The following UNC5B variants were observed in gnomAD, a reference collection of about 807,000 sequenced individuals.
The protein encoded by UNC5B is unc-5 netrin receptor B, also known as netrin receptor UNC5B.
In UNC5B, 56 loss-of-function variants were observed where a neutral mutation model predicts 103.7. The ratio of observed to expected loss-of-function variants is 0.54; its 90% CI spans 0.44 to 0.67. The LOEUF (loss-of-function observed/expected upper bound fraction) is 0.67. Among genes scored for constraint, UNC5B ranks in the 30% least tolerant of loss-of-function variants. UNC5B has a pLI of 0.00. For synonymous variants in UNC5B, 577 were observed against 542.0 expected (o/e 1.06, Z -0.90); for missense variants, 1,194 against 1,284.5 (o/e 0.93, Z 1.08).
At chr10:71,217,129 C>A (rs2132233791) in intron 1 of UNC5B, 1 of 152,852 alleles carries the variant, frequency 6.5e-6, no homozygotes, top group Middle Eastern at 3.4e-3. Flanking sequence ...CTTCTCTTGG[C>A]GTCCTCCTCC....
intron 2 of UNC5B, among the ~76,000 whole-genome samples, chr10:71,284,405 C>G (rs984262356): frequency 6.6e-6 from 1 of 152,234 alleles, no homozygotes; most frequent in Non-Finnish European, 1.5e-5. Context: ...CCCTACCCGC[C>G]TGCAGGCCAC....
intron 1 of UNC5B, among the ~76,000 whole-genome samples, chr10:71,271,907 G>A (rs1844654092): frequency 6.6e-6 from 1 of 152,172 alleles, no homozygotes; most frequent in Non-Finnish European, 1.5e-5. Context: ...TGTTAGGAAT[G>A]ACTTGGCGTC....
At chr10:71,268,901 G>A (rs951163) in intron 1 of UNC5B, among the ~76,000 whole-genome samples, 4,662 of 152,304 alleles carry the variant, frequency 0.031, 197 homozygotes, top group African/African-American at 0.091. Context: ...CAACTTGACA[G>A]CATTGCCAGC....
intron 1 of UNC5B, among the ~76,000 whole-genome samples, chr10:71,249,832 T>C (rs751809038): frequency 2.0e-5 from 3 of 152,192 alleles, no homozygotes; most frequent in Non-Finnish European, 4.4e-5. Context: ...GAAAGGTCCC[T>C]CTTAGGGGCA....
intron 1 of UNC5B, among the ~76,000 whole-genome samples, chr10:71,262,771 C>G (rs1309462169): frequency 6.6e-6 from 1 of 152,216 alleles, no homozygotes; most frequent in Non-Finnish European, 1.5e-5. Flanking sequence ...CCCTGGGCCT[C>G]ACTTGGCACA....
chr10:71,290,815 G>T (rs1458183303), intron 8 of UNC5B, 100 bp from the exon 9 acceptor site: 4 of 1,400,266 alleles, frequency 2.9e-6, no homozygotes, highest in Non-Finnish European at 2.9e-6. Flanking sequence ...CACCGGGCCG[G>T]TTGGCCCTGG....
chr10:71,279,745 G>GC, intron 1 of UNC5B, 76 bp from the exon 2 acceptor site: 3 of 1,482,954 alleles, frequency 2.0e-6, no homozygotes, highest in Non-Finnish European at 2.7e-6. Flanking sequence ...TCTGCGGTGG[G>GC]CCCCCGGGGT....
intron 1 of UNC5B, among the ~76,000 whole-genome samples, chr10:71,242,437 G>A (rs1404356408): frequency 1.3e-5 from 2 of 152,210 alleles, no homozygotes; most frequent in African/African-American, 2.4e-5. Context: ...CTTTCCAGCA[G>A]CTGAGTGGGC....
At chr10:71,254,633 C>T (rs77650747) in intron 1 of UNC5B, among the ~76,000 whole-genome samples, 2,008 of 152,284 alleles carry the variant, frequency 0.013, 50 homozygotes, top group East Asian at 0.078. Flanking sequence ...GCCATTCTCC[C>T]GCCTCCCACC....
Position 71,293,509 on chromosome 10 carries a change from C to T in UNC5B, c.1877C>T (p.Ala626Val). The T allele has an allele frequency of 1.2e-6, 2 of 1,614,020 alleles. No individual in the cohort carries two copies. Among genetic ancestry groups the T allele is most frequent in the Non-Finnish European group, 1.7e-6 (2 of 1,180,028 alleles). Residue 626 changes from alanine to valine, a missense_variant, in exon 12 of 17, where the codon GCC (alanine) becomes GTC (valine). Coordinates refer to ENST00000335350, the MANE Select transcript of UNC5B (RefSeq NM_170744.5). ...GTCATCCTCACCATGCCCCACTGTG[C>T]CGAAGTCAGTGCCCGTGACTGGATC... is the stretch of plus-strand genomic sequence containing the variant. ...RPVILTMPHC[A>V]EVSARDWIFQ...
At chr10:71,227,274 C>T (rs531797982) in intron 1 of UNC5B, among the ~76,000 whole-genome samples, 5 of 152,232 alleles carry the variant, frequency 3.3e-5, no homozygotes, top group African/African-American at 1.2e-4. Flanking sequence ...TGTGAGCCAT[C>T]GCACCCAGCC....
intron 1 of UNC5B, among the ~76,000 whole-genome samples, chr10:71,221,139 C>G (rs2132237675): frequency 6.6e-6 from 1 of 152,336 alleles, no homozygotes; most frequent in African/African-American, 2.4e-5. Flanking sequence ...ACGCATTATG[C>G]AGCCCTGGGT....
intron 16 of UNC5B, 104 bp from the exon 17 acceptor site, chr10:71,299,008 C>A: frequency 6.8e-7 from 1 of 1,474,528 alleles, no homozygotes; most frequent in African/African-American, 1.4e-5. Flanking sequence ...CAGTGGGACA[C>A]CAAAGCTCAC....
chr10:71,296,180 C>T (rs1187209045), intron 14 of UNC5B, among the ~76,000 whole-genome samples: 6 of 152,202 alleles, frequency 3.9e-5, no homozygotes, highest in Admixed American at 6.5e-5. Context: ...CACACTTCTG[C>T]CCTGTCACAC....
At chr10:71,281,811 C>T (rs929233738) in intron 2 of UNC5B, among the ~76,000 whole-genome samples, 1 of 152,210 alleles carries the variant, frequency 6.6e-6, no homozygotes, top group Non-Finnish European at 1.5e-5. Context: ...AGGTGGCGTA[C>T]ACATAGCACA....
intron 1 of UNC5B, among the ~76,000 whole-genome samples, chr10:71,225,189 A>G (rs1298298871): frequency 6.6e-6 from 1 of 152,254 alleles, no homozygotes; most frequent in Non-Finnish European, 1.5e-5. Flanking sequence ...AGCAAAAGGA[A>G]CAAAAGAAGT....
chr10:71,242,167 C>A (rs879279), intron 1 of UNC5B, among the ~76,000 whole-genome samples: 32,234 of 152,176 alleles, frequency 0.21, 3,881 homozygotes, highest in Non-Finnish European at 0.28. Context: ...GTCTCAGGCC[C>A]TCCCTGTGAC....
At chr10:71,220,478 C>T (rs1538897) in intron 1 of UNC5B, among the ~76,000 whole-genome samples, 19,273 of 152,154 alleles carry the variant, frequency 0.13, 1,286 homozygotes, top group East Asian at 0.16. Context: ...CACCTCTCCC[C>T]GGGGCCTTAG....
Position 71,288,883 on chromosome 10 carries a change from TCCTTCCCATTG to T in UNC5B, c.1067-69_1067-59del, listed in dbSNP as rs1051540992. 16 of 1,580,736 alleles carry T rather than the reference TCCTTCCCATTG, an allele frequency of 1.0e-5. 1 individual carries two copies. In the African/African-American group the frequency reaches 2.2e-4, roughly 21 times the overall value. ...CCACCACATCCATCATCTCATCTCA[TCCTTCCCATTG>T]CCTTCTCTGCCACCCTTTCCCTGTC... is the stretch of plus-strand genomic sequence containing the variant. On this transcript the variant is annotated intron_variant, in intron 7 of 16. Transcript: ENST00000335350.
Sources: gnomAD v4.1 joint callset for allele counts (sites outside exome capture counted in the v4.1 genomes callset) on GRCh38, gnomAD v4.1.1 for gene constraint, MANE v1.5 for transcripts, NCBI Gene and HGNC (gene_info 2026-07-23, HGNC 2026-07-21) for gene names.